The following HERC2 variants were observed in gnomAD, a reference collection of about 807,000 sequenced individuals.
The protein encoded by HERC2 is HECT and RLD domain containing E3 ubiquitin protein ligase 2.
In HERC2, 102 loss-of-function variants were observed where a neutral mutation model predicts 537.7. The observed-to-expected ratio is 0.19, with a 90% CI of 0.16 to 0.22. HERC2 has a LOEUF of 0.22. Ranked by LOEUF, HERC2 falls within the 10% of genes least tolerant of loss-of-function variation. The pLI, the probability that HERC2 is intolerant of heterozygous loss-of-function variation, is 1.00. For synonymous variants in HERC2, 2,224 were observed against 2,466.2 expected (o/e 0.90, Z 2.91); for missense variants, 4,236 against 6,198.2 (o/e 0.68, Z 10.63).
chr15:28,123,590 G>A (rs765364653), intron 85 of HERC2, among the ~76,000 whole-genome samples: 8 of 152,160 alleles, frequency 5.3e-5, no homozygotes, highest in South Asian at 2.1e-4. Context: ...ATTCAGGCAC[G>A]GACCTTCGAG....
At chr15:28,167,418 G>A (rs1894254597) in intron 68 of HERC2, among the ~76,000 whole-genome samples, 1 of 152,206 alleles carries the variant, frequency 6.6e-6, no homozygotes, top group African/African-American at 2.4e-5. Flanking sequence ...TTGGGATGAT[G>A]AGCAAAATCT....
rs373672636 is a variant in HERC2, at chr15:28,270,803, G to C, written c.1149C>G (p.Asn383Lys). 3.1e-6 allele frequency: 5 copies of C among 1,613,966 alleles called. No homozygotes were observed. The highest frequency in any genetic ancestry group is 4.2e-6 in the Non-Finnish European group (5 of 1,179,852). Residue 383 changes from asparagine to lysine, a missense_variant, in exon 10 of 93, where the codon AAC becomes AAG. Around this residue, in one of 27 missense-constraint regions of HERC2, gnomAD observed 491 missense variants for 559.3 expected, o/e 0.88. Coordinates refer to ENST00000261609, the MANE Select transcript of HERC2 (RefSeq NM_004667.6). ...TTTGTCGCAGATCAATGGCAAGCTC[G>C]TTGTCTTGTGGAAGGGTGAGGTACC... ...FLRYLTLPQD[N>K]ELAIDLRQTA...
chr15:28,241,298 G>A (rs1333205833), intron 23 of HERC2, among the ~76,000 whole-genome samples: 1 of 151,736 alleles, frequency 6.6e-6, no homozygotes, highest in Non-Finnish European at 1.5e-5. Context: ...AATCATTAGG[G>A]ACACACAAAT....
chr15:28,195,232 T>G (rs1317327820), intron 52 of HERC2, among the ~76,000 whole-genome samples: 3 of 152,056 alleles, frequency 2.0e-5, no homozygotes, highest in Non-Finnish European at 2.9e-5. Flanking sequence ...AAACTAAAAA[T>G]GTATATAACA....
intron 2 of HERC2, among the ~76,000 whole-genome samples, chr15:28,303,800 T>G (rs1279528595): frequency 6.6e-6 from 1 of 152,234 alleles, no homozygotes; most frequent in Non-Finnish European, 1.5e-5. Flanking sequence ...CGTATTTTAC[T>G]TTATTTGTAG....
At chr15:28,275,926 T>C (rs1303916245) in intron 5 of HERC2, among the ~76,000 whole-genome samples, 3 of 152,148 alleles carry the variant, frequency 2.0e-5, no homozygotes, top group Non-Finnish European at 4.4e-5. Flanking sequence ...TCTCCAAATT[T>C]ACTAAAATTT....
chr15:28,165,109 C>T (rs1033562961), intron 68 of HERC2, among the ~76,000 whole-genome samples: 1 of 152,170 alleles, frequency 6.6e-6, no homozygotes, highest in African/African-American at 2.4e-5. Context: ...AAGGCATCCA[C>T]ACATGGGGGG....
intron 4 of HERC2, among the ~76,000 whole-genome samples, chr15:28,282,399 C>T (rs996567327): frequency 4.6e-5 from 7 of 151,508 alleles, no homozygotes; most frequent in East Asian, 1.9e-4. Flanking sequence ...AAAACGGTCA[C>T]GATAAAAAGG....
At position 28,265,836 on chromosome 15, in the gene HERC2, G is replaced by A. The variant is rs1008979484; in HGVS notation, c.1737C>T (p.Asn579=). 1 of 1,614,162 alleles carries A rather than the reference G, an allele frequency of 6.2e-7. No individual in the cohort carries two copies. The highest frequency in any genetic ancestry group is 8.5e-7 in the Non-Finnish European group (1 of 1,180,036). ...ACGTACCATGGCCCAGCCGGCCGTA[G>A]TTCCCGCGGCCCCAGGTGTACAGCT... is the stretch of plus-strand genomic sequence containing the variant. ...EGELYTWGRG[N]YGRLGHGSSE... The change falls in exon 13 of 93, where the codon AAC becomes AAT. Residue 579 remains asparagine (N), a synonymous_variant. Transcript: ENST00000261609. This position sits in a 1 kb window ranked among gnomAD's most constrained non-coding sequence, Gnocchi z 4.0.
At chr15:28,317,097 AT>A (rs1237812055) in intron 2 of HERC2, among the ~76,000 whole-genome samples, 226 of 139,020 alleles carry the variant, frequency 1.6e-3, no homozygotes, top group African/African-American at 5.3e-3. Flanking sequence ...TGAAGTGACA[AT>A]TTTTTTTTTT....
chr15:28,280,950 A>G (rs1232701899), intron 4 of HERC2, among the ~76,000 whole-genome samples: 2 of 151,978 alleles, frequency 1.3e-5, no homozygotes, highest in South Asian at 2.1e-4. Flanking sequence ...TGAAGTCAAT[A>G]TTAGTCAATA....
intron 70 of HERC2, among the ~76,000 whole-genome samples, chr15:28,150,677 CACAG>C (rs952354113): frequency 4.1e-5 from 6 of 145,550 alleles, no homozygotes; most frequent in Non-Finnish European, 8.9e-5. Flanking sequence ...ACAACGGCCA[CACAG>C]ACATTCTAGT....
intron 22 of HERC2, 114 bp downstream of exon 22, chr15:28,246,628 G>A: frequency 2.3e-6 from 2 of 872,876 alleles, no homozygotes; most frequent in Non-Finnish European, 3.4e-6. Context: ...GAAAGGGCAG[G>A]AGGCCCAGAA....
rs1277181143 is a variant in HERC2 at position 28,141,853 on chromosome 15, A to G, written c.11701-7T>C. ...CACGAATTTTCTTAGCCACCTAAAC[A>G]AAATTATTATGATGTTACAAATCAA... On this transcript the variant is annotated splice_region_variant and splice_polypyrimidine_tract_variant and intron_variant, in intron 76 of 92. Coordinates refer to ENST00000261609, the MANE Select transcript of HERC2 (RefSeq NM_004667.6). 1.9e-6 allele frequency: 3 copies of G among 1,595,754 alleles called. No individual in the cohort carries two copies. In the African/African-American group the frequency reaches 4.0e-5, roughly 21 times the overall value.
At position 28,177,309 on chromosome 15, in the gene HERC2, G is replaced by A; in HGVS notation, c.9254+110C>T. 1.5e-6 allele frequency: 2 copies of A among 1,325,602 alleles called. No homozygotes were observed. Among genetic ancestry groups the A allele is most frequent in the Non-Finnish European group, 2.1e-6 (2 of 952,638 alleles). The allele number at this position is 1,325,602 out of a possible 1,614,324, so 82.1% of individuals were successfully genotyped here. On this transcript the variant is annotated intron_variant, in intron 60 of 92. Transcript: ENST00000261609. The surrounding 1 kb of genome is among the most constrained non-coding windows in gnomAD (Gnocchi z 5.0). The stretch of plus-strand genomic sequence containing the variant: ...ACCGTGTTAAAAAAATTTTGTTTAA[G>A]AACCATTTCTATAATCTATTCTATT...
At chr15:28,233,894 T>C (rs896008503) in intron 27 of HERC2, 98 bp from the exon 28 acceptor site, 5 of 997,886 alleles carry the variant, frequency 5.0e-6, no homozygotes, top group Non-Finnish European at 7.8e-6. Flanking sequence ...CAATCACTAA[T>C]GCTTCTGAAG....
At chr15:28,314,352 C>G (rs1357823236) in intron 2 of HERC2, among the ~76,000 whole-genome samples, 1 of 152,022 alleles carries the variant, frequency 6.6e-6, no homozygotes, top group Non-Finnish European at 1.5e-5. Flanking sequence ...GATGTCAGCT[C>G]GGAACAATGG....
In HERC2 at chr15:28,168,602, C is replaced by G. The variant is rs939321740; in HGVS notation, c.10230-12G>C. On this transcript the variant is annotated splice_polypyrimidine_tract_variant and intron_variant, in intron 66 of 92. Coordinates refer to ENST00000261609, the MANE Select transcript of HERC2 (RefSeq NM_004667.6). ...CGACAACAGCATCTCTGTCAGGACACAAAGCCAGGCCTGTGGTGAGCTGCC... is the reference window on the plus strand; with the variant it reads ...CGACAACAGCATCTCTGTCAGGACAGAAAGCCAGGCCTGTGGTGAGCTGCC... 1.2e-6 allele frequency: 2 copies of G among 1,611,036 alleles called. No homozygotes were observed. The highest frequency in any genetic ancestry group is 2.7e-5 in the African/African-American group (2 of 74,888).
Position 28,215,691 on chromosome 15 carries a change from T to G in HERC2, c.6140A>C (p.Gln2047Pro), listed in dbSNP as rs1413063026. The G allele has an allele frequency of 1.2e-6, 2 of 1,611,892 alleles. No homozygotes were observed. Among genetic ancestry groups the G allele is most frequent in the East Asian group, 2.2e-5 (1 of 44,896 alleles). The change falls in exon 39 of 93, where the codon CAG (glutamine) becomes CCG (proline). Residue 2047 changes from glutamine (Q) to proline (P), a missense_variant. Physicochemically the swap from Gln to Pro is moderately conservative, Grantham distance 76. Transcript: ENST00000261609. ...PQVCGALSSP[Q>P]WITLLMKVVE... ...GACCTTCATGAGCAGCGTGATCCACTGCGGGGAGCTGAGGGCGCCGCATAC... is the reference window on the plus strand; with the variant it reads ...GACCTTCATGAGCAGCGTGATCCACGGCGGGGAGCTGAGGGCGCCGCATAC...
Sources: gnomAD v4.1 joint callset for allele counts (sites outside exome capture counted in the v4.1 genomes callset) on GRCh38, gnomAD v4.1.1 for gene constraint, gnomAD v4.1.1 regional missense constraint, Gnocchi (gnomAD v3.1) non-coding constraint, MANE v1.5 for transcripts, NCBI Gene and HGNC (gene_info 2026-07-23, HGNC 2026-07-21) for gene names.